The following PDE2A variants were observed in gnomAD, a reference collection of about 807,000 sequenced individuals.
The protein encoded by PDE2A is cGMP-dependent 3',5'-cyclic phosphodiesterase.
Under a neutral mutation model 133.6 loss-of-function variants are expected in PDE2A, and 53 were observed. That is an observed-to-expected ratio of 0.40 (90% confidence interval 0.32 to 0.50). PDE2A has a LOEUF of 0.50. Ranked by LOEUF, PDE2A falls within the 20% of genes least tolerant of loss-of-function variation. The pLI is 0.73. For synonymous variants in PDE2A, 491 were observed against 490.2 expected (o/e 1.00, Z -0.02); for missense variants, 796 against 1,232.4 (o/e 0.65, Z 5.30).
In PDE2A at chr11:72,581,368, G is replaced by A. The variant is rs1441703947; in HGVS notation, c.2034C>T (p.Thr678=). 6.2e-7 allele frequency: 1 copy of A among 1,613,108 alleles called. No individual in the cohort carries two copies. Among genetic ancestry groups the A allele is most frequent in the Admixed American group, 1.7e-5 (1 of 59,988 alleles). The change falls in exon 23 of 31, where the codon ACC becomes ACT. Residue 678 remains threonine, a synonymous_variant. Transcript: ENST00000334456. ...ATGCAGCCACTCACTCGAGGTAGTT[G>A]GTGAGCTCCAGGTTCTTGTAGAGCA... ...CYLLYKNLEL[T]NYLEDIEIFA...
intron 2 of PDE2A, among the ~76,000 whole-genome samples, chr11:72,633,375 GC>G (rs940489040): frequency 1.6e-4 from 25 of 152,332 alleles, no homozygotes; most frequent in Admixed American, 5.9e-4. Flanking sequence ...TGAAGGAGTG[GC>G]CCCAGGACTG....
intron 1 of PDE2A, among the ~76,000 whole-genome samples, chr11:72,667,900 A>G (rs1319355666): frequency 1.3e-5 from 2 of 151,344 alleles, no homozygotes; most frequent in Non-Finnish European, 2.9e-5. Flanking sequence ...AGGGAAGAAG[A>G]TGAAGGAGAG....
rs1467665900 is a variant in PDE2A at position 72,582,041 on chromosome 11, G to A, written c.1852-94C>T. 14 of 952,768 alleles carry A rather than the reference G, an allele frequency of 1.5e-5. No homozygotes were observed. The East Asian group carries it at 3.4e-4, about 23-fold the overall frequency. 59.0% of individuals were successfully genotyped at this position (952,768 alleles called of 1,614,324 possible). A position where few individuals can be genotyped will look rare whatever the true frequency, so the allele number is the denominator to read the frequency against. On this transcript the variant is annotated intron_variant, in intron 21 of 30. Coordinates refer to ENST00000334456, the MANE Select transcript of PDE2A (RefSeq NM_002599.5). ...CTTCAAGCTCCACACTCAAAATCTG[G>A]AGTCTTAGAAACTTACATCTAAACT...
intron 2 of PDE2A, among the ~76,000 whole-genome samples, chr11:72,616,161 C>T (rs3781931): frequency 0.14 from 20,932 of 152,186 alleles, 1,585 homozygotes; most frequent in South Asian, 0.2. Flanking sequence ...GTTTACATCC[C>T]TCAGGAAATG....
intron 1 of PDE2A, among the ~76,000 whole-genome samples, chr11:72,665,324 C>T (rs1014502392): frequency 1.3e-5 from 2 of 152,096 alleles, no homozygotes; most frequent in Non-Finnish European, 2.9e-5. Flanking sequence ...CTCCTTCCTG[C>T]GGGTGCTGAA....
chr11:72,618,438 C>A lies in PDE2A; in HGVS notation c.145-9687G>T, dbSNP rs183045471. Among the ~76,000 whole-genome samples, 4 of 152,340 alleles carry A rather than the reference C, an allele frequency of 2.6e-5. No individual in the cohort carries two copies. The East Asian group carries it at 7.7e-4, about 29-fold the overall frequency. On this transcript the variant is annotated intron_variant, in intron 2 of 30. Coordinates refer to ENST00000334456, the MANE Select transcript of PDE2A (RefSeq NM_002599.5). Reference sequence around the variant, plus strand: ...ACTGGGACTCTCATCCTTCTCCCGTCCCCCTCACAGAGCAAGCAAGGGGCT... The same window carrying A: ...ACTGGGACTCTCATCCTTCTCCCGTACCCCTCACAGAGCAAGCAAGGGGCT...
intron 20 of PDE2A, 75 bp from the exon 21 acceptor site, chr11:72,582,641 C>A: frequency 7.0e-7 from 1 of 1,438,738 alleles, no homozygotes; most frequent in South Asian, 1.3e-5. Context: ...ATTCCCATGG[C>A]AGGTGGGGGA....
chr11:72,583,702 T>G, intron 19 of PDE2A, 187 bp from the exon 20 acceptor site: 1 of 589,524 alleles, frequency 1.7e-6, no homozygotes. Context: ...CCCGCGCCGG[T>G]TCCTCCTCAT....
At chr11:72,615,410 A>G (rs543523024) in intron 2 of PDE2A, among the ~76,000 whole-genome samples, 44 of 152,342 alleles carry the variant, frequency 2.9e-4, no homozygotes, top group Non-Finnish European at 5.3e-4. Flanking sequence ...CTGCACGATC[A>G]GTTCCCTGAG....
Position 72,578,117 on chromosome 11 carries a change from G to A in PDE2A, c.2615+116C>T. 1.4e-6 allele frequency: 1 copy of A among 729,746 alleles called. No individual in the cohort carries two copies. The highest frequency in any genetic ancestry group is 3.4e-4 in the Middle Eastern group (1 of 2,944). 45.2% of individuals were successfully genotyped at this position (729,746 alleles called of 1,614,324 possible). A position where few individuals can be genotyped will look rare whatever the true frequency, so the allele number is the denominator to read the frequency against. ...AGACAGTTATGCCCAGAGGCAAGGGGATGAATCAGTTGGACCTGGGCCAGG... is the reference window on the plus strand; with the variant it reads ...AGACAGTTATGCCCAGAGGCAAGGGAATGAATCAGTTGGACCTGGGCCAGG... On this transcript the variant is annotated intron_variant, in intron 30 of 30. Coordinates refer to ENST00000334456, the MANE Select transcript of PDE2A (RefSeq NM_002599.5). This position sits in a 1 kb window ranked among gnomAD's most constrained non-coding sequence, Gnocchi z 4.2.
intron 4 of PDE2A, chr11:72,598,871 T>C (rs971481767): frequency 1.0e-6 from 1 of 985,276 alleles, no homozygotes; most frequent in Non-Finnish European, 1.2e-6. Flanking sequence ...TTCCAGCCCC[T>C]ACACCCAGGA....
intron 1 of PDE2A, among the ~76,000 whole-genome samples, chr11:72,646,250 C>G (rs1035881103): frequency 4.6e-5 from 7 of 152,196 alleles, no homozygotes; most frequent in African/African-American, 1.2e-4. Flanking sequence ...GGGTCCTGGG[C>G]CCACTCAACC....
At chr11:72,607,786 C>T (rs575299503) in intron 3 of PDE2A, among the ~76,000 whole-genome samples, 6 of 152,122 alleles carry the variant, frequency 3.9e-5, no homozygotes, top group Non-Finnish European at 7.4e-5. Context: ...TGCCCTTGGC[C>T]GGGTTTAGAG....
intron 3 of PDE2A, among the ~76,000 whole-genome samples, chr11:72,605,696 T>C (rs1439523114): frequency 6.6e-6 from 1 of 152,120 alleles, no homozygotes; most frequent in Non-Finnish European, 1.5e-5. Context: ...CACACACCCA[T>C]AACCCCAGCC....
chr11:72,610,729 G>A (rs114589163), intron 2 of PDE2A, among the ~76,000 whole-genome samples: 256 of 152,160 alleles, frequency 1.7e-3, no homozygotes, highest in African/African-American at 5.9e-3. Flanking sequence ...TGACCCTTAG[G>A]CACTCCTCAT....
At chr11:72,631,056 T>C in intron 2 of PDE2A, 1 of 1,538,006 alleles carries the variant, frequency 6.5e-7, no homozygotes, top group Non-Finnish European at 8.8e-7. Context: ...CCCACCCACT[T>C]CTCCCTCCAC....
intron 2 of PDE2A, among the ~76,000 whole-genome samples, chr11:72,622,298 T>C (rs56210510): frequency 0.15 from 22,830 of 152,212 alleles, 1,792 homozygotes; most frequent in East Asian, 0.21. Flanking sequence ...AGTATGGCAG[T>C]TCCTCAAAAA....
rs58946717 is a variant in PDE2A, at chr11:72,581,987, A to T, written c.1852-40T>A. On this transcript the variant is annotated intron_variant, in intron 21 of 30. Coordinates refer to ENST00000334456, the MANE Select transcript of PDE2A (RefSeq NM_002599.5). ...GGGAGGTATCAGAGGGGCTGCCAGT[A>T]TCAAGACGGGGCCCTTGCCTGGGTC... 2.2e-3 allele frequency: 3,413 copies of T among 1,526,368 alleles called. 76 individuals are homozygous for T. The African/African-American group carries it at 0.042, about 19-fold the overall frequency. 94.6% of individuals were successfully genotyped at this position (1,526,368 alleles called of 1,614,324 possible).
chr11:72,664,824 G>A (rs79156003), intron 1 of PDE2A, among the ~76,000 whole-genome samples: 4,394 of 151,640 alleles, frequency 0.029, 221 homozygotes, highest in African/African-American at 0.1. Flanking sequence ...TTCTTTGTTT[G>A]AGGCAGAGTT....
Sources: gnomAD v4.1 joint callset for allele counts (sites outside exome capture counted in the v4.1 genomes callset) on GRCh38, gnomAD v4.1.1 for gene constraint, Gnocchi (gnomAD v3.1) non-coding constraint, MANE v1.5 for transcripts, NCBI Gene and HGNC (gene_info 2026-07-23, HGNC 2026-07-21) for gene names.